The following NREP variants were observed in gnomAD, a reference collection of about 807,000 sequenced individuals.
The protein encoded by NREP is neuronal regeneration-related protein.
In NREP, 5 loss-of-function variants were observed where a neutral mutation model predicts 8.6. The observed-to-expected ratio is 0.58, with a 90% CI of 0.30 to 1.22. The LOEUF (loss-of-function observed/expected upper bound fraction) is 1.22, where lower values mean the gene tolerates loss of function less well. Among genes scored for constraint, NREP ranks in the 50% most tolerant of loss-of-function variants. The pLI is 0.07. For synonymous variants in NREP, 27 were observed against 28.0 expected, an observed-to-expected ratio of 0.96 and a Z score of 0.11; for missense variants, 86 against 82.5, an observed-to-expected ratio of 1.04 and a Z score of -0.17.
chr5:111,865,806 A>G (rs897434606), intron 2 of NREP, among the ~76,000 whole-genome samples: 5 of 152,138 alleles, frequency 3.3e-5, no homozygotes, highest in Non-Finnish European at 7.3e-5. Context: ...TTAATTTTAA[A>G]AGTTCACTTA....
intron 2 of NREP, among the ~76,000 whole-genome samples, chr5:111,955,911 A>C (rs970641730): frequency 4.9e-5 from 7 of 141,788 alleles, no homozygotes; most frequent in African/African-American, 1.5e-4. Context: ...AAAAAAAAAA[A>C]AACAAAAACG....
intron 2 of NREP, among the ~76,000 whole-genome samples, chr5:111,784,975 C>T (rs1391821399): frequency 2.0e-5 from 3 of 152,048 alleles, no homozygotes; most frequent in Non-Finnish European, 2.9e-5. Context: ...GGCTTATGTT[C>T]CCAGGGCTCC....
chr5:111,753,184 C>T (rs1750473963), intron 2 of NREP, among the ~76,000 whole-genome samples: 1 of 151,744 alleles, frequency 6.6e-6, no homozygotes, highest in South Asian at 2.1e-4. Flanking sequence ...TCAAAACTGA[C>T]ACTTTTAACA....
intron 2 of NREP, among the ~76,000 whole-genome samples, chr5:111,741,411 A>G (rs1320301562): frequency 6.6e-6 from 1 of 151,388 alleles, no homozygotes; most frequent in Non-Finnish European, 1.5e-5. Context: ...AGGTGGTGCT[A>G]TAAAGAATCT....
At chr5:111,896,601 G>C (rs1754516761) in intron 2 of NREP, among the ~76,000 whole-genome samples, 1 of 152,150 alleles carries the variant, frequency 6.6e-6, no homozygotes. Flanking sequence ...TTAAACCGGA[G>C]TATCTGTGCA....
At chr5:111,796,293 T>C (rs575353423) in intron 2 of NREP, among the ~76,000 whole-genome samples, 12 of 152,294 alleles carry the variant, frequency 7.9e-5, no homozygotes, top group African/African-American at 2.9e-4. Context: ...CCTTCTTTCA[T>C]CTTTTAAGGA....
chr5:111,829,830 A>G (rs1752720501), intron 2 of NREP, among the ~76,000 whole-genome samples: 1 of 152,144 alleles, frequency 6.6e-6, no homozygotes. Flanking sequence ...TTTAAACTCA[A>G]TGACTTCACC....
intron 2 of NREP, among the ~76,000 whole-genome samples, chr5:111,805,440 A>T (rs1752118010): frequency 6.6e-6 from 1 of 152,252 alleles, no homozygotes; most frequent in Admixed American, 6.5e-5. Flanking sequence ...GAGAGATTGG[A>T]TAAACTATGT....
intron 2 of NREP, among the ~76,000 whole-genome samples, chr5:111,747,300 T>C (rs1750070208): frequency 6.6e-6 from 1 of 152,270 alleles, no homozygotes; most frequent in African/African-American, 2.4e-5. Context: ...AAGTTATATA[T>C]CAGACACCAA....
chr5:111,877,370 C>T (rs757380501), intron 2 of NREP, among the ~76,000 whole-genome samples: 7 of 152,218 alleles, frequency 4.6e-5, no homozygotes, highest in African/African-American at 1.4e-4. Context: ...TGAAAACCCT[C>T]ACATAATTTT....
At chr5:111,949,775 C>T (rs181192675) in intron 2 of NREP, among the ~76,000 whole-genome samples, 18 of 152,048 alleles carry the variant, frequency 1.2e-4, no homozygotes, top group African/African-American at 2.4e-4. Context: ...TTTTTTATGG[C>T]GGCATAGTAT....
chr5:111,761,644 G>A (rs969244090), upstream of NREP, among the ~76,000 whole-genome samples: 6 of 152,092 alleles, frequency 3.9e-5, no homozygotes, highest in Non-Finnish European at 7.4e-5. Context: ...ATTGTTGATC[G>A]CATATGTAAC....
upstream of NREP, chr5:111,758,086 G>C (rs78965386): frequency 0.013 from 13,217 of 985,498 alleles, 1,332 homozygotes; most frequent in African/African-American, 0.21. Flanking sequence ...GTCCGCGAAG[G>C]ATGCATTTGC....
chr5:111,814,963 G>GAA lies in NREP; in HGVS notation c.136-79458_136-79457dup, dbSNP rs60414933. 8.1e-3 allele frequency among the ~76,000 whole-genome samples: 1,094 copies of GAA among 135,776 alleles called. 13 individuals carry two copies. Among genetic ancestry groups the GAA allele is most frequent in the African/African-American group, 0.028 (1,025 of 36,416 alleles). The allele number at this position is 135,776 out of a possible 152,430, so 89.1% of individuals were successfully genotyped here. On this transcript the variant is annotated intron_variant, in intron 2 of 3. Coordinates refer to the NREP transcript ENST00000395634. ...AAATAATGGGATAAGTTACCAAGAG[G>GAA]AAAAAAAAAAAAAAGGAATACCAAA...
chr5:111,864,404 T>C (rs1225570414), intron 2 of NREP, among the ~76,000 whole-genome samples: 2 of 151,948 alleles, frequency 1.3e-5, no homozygotes, highest in African/African-American at 2.4e-5. Flanking sequence ...GAATAAAACA[T>C]CTCTAAAACA....
exon 1 of NREP, chr5:111,976,930 C>T: frequency 1.9e-6 from 1 of 533,824 alleles, no homozygotes; most frequent in Non-Finnish European, 3.4e-6. Context: ...AACAGTCATT[C>T]TGAACCATAA....
chr5:111,861,484 ATT>A (rs1753542102), intron 2 of NREP, among the ~76,000 whole-genome samples: 1 of 152,078 alleles, frequency 6.6e-6, no homozygotes, highest in East Asian at 1.9e-4. Flanking sequence ...AGGCTCCAGT[ATT>A]TCTTTCTGTG....
intron 2 of NREP, among the ~76,000 whole-genome samples, chr5:111,809,198 C>A (rs1403416539): frequency 6.6e-6 from 1 of 152,190 alleles, no homozygotes; most frequent in Non-Finnish European, 1.5e-5. Context: ...ATCTTCCACT[C>A]AAAATAGGCC....
intron 2 of NREP, among the ~76,000 whole-genome samples, chr5:111,835,489 T>C (rs1055823392): frequency 6.6e-6 from 1 of 152,092 alleles, no homozygotes; most frequent in Non-Finnish European, 1.5e-5. Context: ...AGCTCTTCTA[T>C]AAAAGGCTTC....
Sources: allele counts gnomAD v4.1 joint callset (sites outside exome capture counted in the v4.1 genomes callset), GRCh38; gene constraint gnomAD v4.1.1; transcripts MANE v1.5; gene names NCBI Gene and HGNC (gene_info 2026-07-23, HGNC 2026-07-21).